NOL4: variants seen among roughly 807,000 people sequenced by gnomAD.
NOL4 encodes the protein nucleolar protein 4, also known as cancer/testis antigen 125.
In NOL4, 17 loss-of-function variants were observed where a neutral mutation model predicts 75.9. That is an observed-to-expected ratio of 0.22 (90% confidence interval 0.15 to 0.34). NOL4 has a LOEUF of 0.34. Ranked by LOEUF, NOL4 falls within the 10% of genes least tolerant of loss-of-function variation. The probability of loss-of-function intolerance (pLI) is 1.00; values close to 1 mark genes in which losing one functional copy is unlikely to be tolerated. For missense variants in NOL4, 614 were observed against 793.5 expected (o/e 0.77, Z 2.72); for synonymous variants, 292 against 289.9 (o/e 1.01, Z -0.07).
At chr18:33,883,015 A>G (rs1031805040) in intron 10 of NOL4, among the ~76,000 whole-genome samples, 2 of 152,148 alleles carry the variant, frequency 1.3e-5, no homozygotes. Context: ...ATGAGAACAC[A>G]TGGACACAGG....
At chr18:34,082,470 G>A (rs1242414160) in intron 5 of NOL4, among the ~76,000 whole-genome samples, 1 of 152,104 alleles carries the variant, frequency 6.6e-6, no homozygotes, top group African/African-American at 2.4e-5. Context: ...AGAAATTTTA[G>A]TTCTCGTCAT....
chr18:34,052,534 G>A (rs547654977), intron 5 of NOL4, among the ~76,000 whole-genome samples: 21 of 152,110 alleles, frequency 1.4e-4, no homozygotes, highest in African/African-American at 2.4e-4. Context: ...TAAATAATTG[G>A]CTGTTTGGTC....
At chr18:33,985,274 C>A (rs560209683) in intron 6 of NOL4, among the ~76,000 whole-genome samples, 1 of 152,156 alleles carries the variant, frequency 6.6e-6, no homozygotes, top group South Asian at 2.1e-4. Context: ...GTAATGTTTT[C>A]GACACCTGAG....
chr18:34,018,594 A>G (rs1362680969), intron 6 of NOL4, among the ~76,000 whole-genome samples: 2 of 152,142 alleles, frequency 1.3e-5, no homozygotes, highest in Non-Finnish European at 2.9e-5. Context: ...TCCAAAGTAC[A>G]CCTTCAAAAA....
chr18:34,093,523 A>G lies in NOL4; in HGVS notation c.714T>C (p.Leu238=). The G allele has an allele frequency of 6.2e-7, 1 of 1,609,692 alleles. No homozygotes were observed. Among genetic ancestry groups the G allele is most frequent in the African/African-American group, 1.3e-5 (1 of 74,974 alleles). Residue 238 remains leucine (L), a synonymous_variant, in exon 5 of 11, where the codon CTT becomes CTC. Transcript: ENST00000261592. ...GCATTCTTTCTTCAAGATTGGAGCTAAGATCAGAGTTCACAGCTGACATCC... is the reference window on the plus strand; with the variant it reads ...GCATTCTTTCTTCAAGATTGGAGCTGAGATCAGAGTTCACAGCTGACATCC... ...STRMSAVNSD[L]SSNLEERMQS...
intron 9 of NOL4, among the ~76,000 whole-genome samples, chr18:33,899,284 C>A: frequency 6.6e-6 from 1 of 152,220 alleles, no homozygotes; most frequent in East Asian, 1.9e-4. Flanking sequence ...TTTCTTTTCA[C>A]CCTGATCTTA....
chr18:33,998,004 C>A (rs965900678), intron 6 of NOL4, among the ~76,000 whole-genome samples: 11 of 151,696 alleles, frequency 7.3e-5, no homozygotes, highest in Non-Finnish European at 1.3e-4. Flanking sequence ...AAATAATATT[C>A]TATGTTAAAG....
At chr18:34,053,031 C>T (rs2076687480) in intron 5 of NOL4, among the ~76,000 whole-genome samples, 1 of 152,002 alleles carries the variant, frequency 6.6e-6, no homozygotes, top group Admixed American at 6.6e-5. Context: ...CTGTAAGCAG[C>T]TTTTTCCCTC....
At chr18:34,006,834 C>T (rs764292502) in intron 6 of NOL4, among the ~76,000 whole-genome samples, 29 of 151,914 alleles carry the variant, frequency 1.9e-4, no homozygotes, top group Non-Finnish European at 1.8e-4. Context: ...GGTGTGAATA[C>T]CTCGAAGGGC....
At chr18:34,210,142 T>C (rs1328555189) in intron 1 of NOL4, among the ~76,000 whole-genome samples, 3 of 152,186 alleles carry the variant, frequency 2.0e-5, no homozygotes, top group Non-Finnish European at 2.9e-5. Flanking sequence ...CATATACTAA[T>C]GTATAATTAT....
chr18:33,883,462 A>G, intron 9 of NOL4, 38 bp from the exon 10 acceptor site: 1 of 1,535,476 alleles, frequency 6.5e-7, no homozygotes, highest in East Asian at 2.3e-5. Context: ...TTATCACCTC[A>G]CAGTGCTATT....
chr18:33,874,596 A>G (rs1203758253), intron 10 of NOL4, among the ~76,000 whole-genome samples: 2 of 151,968 alleles, frequency 1.3e-5, no homozygotes, highest in Non-Finnish European at 2.9e-5. Flanking sequence ...AAGAGCAAAA[A>G]TCCATCTTTT....
intron 1 of NOL4, chr18:34,220,883 T>A (rs1315365007): frequency 1.3e-5 from 2 of 152,128 alleles, no homozygotes; most frequent in Non-Finnish European, 2.9e-5. Flanking sequence ...TTTAATATTA[T>A]CCCTGAAGTT....
intron 6 of NOL4, among the ~76,000 whole-genome samples, chr18:33,959,767 A>C (rs1169682197): frequency 6.6e-6 from 1 of 152,072 alleles, no homozygotes; most frequent in Non-Finnish European, 1.5e-5. Context: ...CCTGGTGAGA[A>C]AGGATTATCC....
chr18:33,921,143 T>C (rs187023314), intron 9 of NOL4, among the ~76,000 whole-genome samples: 1 of 152,276 alleles, frequency 6.6e-6, no homozygotes, highest in Admixed American at 6.5e-5. Flanking sequence ...AGGTAACATG[T>C]TTTCTAGGTT....
intron 1 of NOL4, among the ~76,000 whole-genome samples, chr18:34,190,920 C>T (rs1170412555): frequency 6.6e-6 from 1 of 151,988 alleles, no homozygotes; most frequent in Admixed American, 6.6e-5. Flanking sequence ...AACTATTTCA[C>T]ATATTACAAA....
chr18:33,875,244 T>C (rs1401077934), intron 10 of NOL4, among the ~76,000 whole-genome samples: 1 of 151,994 alleles, frequency 6.6e-6, no homozygotes, highest in Non-Finnish European at 1.5e-5. Context: ...AAGAAAGCAG[T>C]CCAAAGTCCT....
rs193262135 is a variant in NOL4 at position 33,899,205 on chromosome 18, A to G, written c.1543-15781T>C. 3.3e-5 allele frequency among the ~76,000 whole-genome samples: 5 copies of G among 152,274 alleles called. No individual in the cohort carries two copies. The East Asian group carries it at 9.7e-4, about 29-fold the overall frequency. ...ATCTGACCAAAAATGGAGACGTTTC[A>G]TGGCCTCCTAAGCCCCTCACTGGTG... On this transcript the variant is annotated intron_variant, in intron 9 of 10. Transcript: ENST00000261592.
At chr18:34,106,567 A>T (rs1008698201) in intron 2 of NOL4, among the ~76,000 whole-genome samples, 1 of 151,972 alleles carries the variant, frequency 6.6e-6, no homozygotes, top group African/African-American at 2.4e-5. Flanking sequence ...GATTTCAAAA[A>T]ATACTGCTTC....
Sources: allele counts gnomAD v4.1 joint callset (sites outside exome capture counted in the v4.1 genomes callset), GRCh38; gene constraint gnomAD v4.1.1; transcripts MANE v1.5; gene names NCBI Gene and HGNC (gene_info 2026-07-23, HGNC 2026-07-21).